Variants in PTPRD observed in about 807,000 individuals in gnomAD.
PTPRD encodes the protein protein tyrosine phosphatase receptor type D, also known as receptor-type tyrosine-protein phosphatase delta.
Under a neutral mutation model 214.5 loss-of-function variants are expected in PTPRD, and 34 were observed. That is an observed-to-expected ratio of 0.16 (90% CI 0.12 to 0.21). The LOEUF is 0.21. Among genes scored for constraint, PTPRD ranks in the 10% least tolerant of loss-of-function variants. PTPRD has a pLI of 1.00. For missense variants in PTPRD, 2,545 were observed against 2,398.7 expected (o/e 1.06, Z -1.27); for synonymous variants, 1,128 against 845.7 (o/e 1.33, Z -5.79).
At chr9:10,574,813 C>CATAT (rs143887636) in intron 2 of PTPRD, among the ~76,000 whole-genome samples, 21,347 of 136,152 alleles carry the variant, frequency 0.16, 1,660 homozygotes, top group Non-Finnish European at 0.2. Context: ...TATGTGTGTG[C>CATAT]ATATATATAT....
intron 44 of PTPRD, among the ~76,000 whole-genome samples, chr9:8,320,569 C>T (rs578197668): frequency 4.4e-4 from 67 of 152,040 alleles, no homozygotes; most frequent in African/African-American, 1.4e-3. Flanking sequence ...TGTAAGTGTA[C>T]GTACACATGA....
At chr9:10,270,168 T>A (rs1251037004) in intron 3 of PTPRD, among the ~76,000 whole-genome samples, 2 of 152,130 alleles carry the variant, frequency 1.3e-5, no homozygotes, top group African/African-American at 4.8e-5. Context: ...GAAATATAAT[T>A]ACATACATAT....
intron 7 of PTPRD, among the ~76,000 whole-genome samples, chr9:9,578,089 C>A (rs1272313121): frequency 7.0e-6 from 1 of 142,774 alleles, no homozygotes; most frequent in Non-Finnish European, 1.5e-5. Flanking sequence ...AGATATACTT[C>A]TCTCATTTGT....
intron 4 of PTPRD, among the ~76,000 whole-genome samples, chr9:9,952,921 A>T (rs1189681916): frequency 6.6e-6 from 1 of 152,168 alleles, no homozygotes; most frequent in Non-Finnish European, 1.5e-5. Flanking sequence ...CTATATAAGA[A>T]TGATATAATT....
intron 3 of PTPRD, among the ~76,000 whole-genome samples, chr9:10,151,784 A>G (rs750204212): frequency 1.3e-5 from 2 of 152,088 alleles, no homozygotes; most frequent in Non-Finnish European, 2.9e-5. Context: ...CCAGGAAACC[A>G]CTGATCTGTT....
chr9:10,031,857 T>C lies in PTPRD; in HGVS notation c.-472+1861A>G, dbSNP rs867944105. Among the ~76,000 whole-genome samples the C allele has an allele frequency of 7.9e-5, 12 of 151,896 alleles. No homozygotes were observed. In the Middle Eastern group the frequency reaches 0.01, roughly 129 times the overall value. The stretch of plus-strand genomic sequence containing the variant: ...CATATTTTTTGAAGACAAGAGATGG[T>C]GAATTGGCCCCTGGATAACAGAAAA... On this transcript the variant is annotated intron_variant, in intron 4 of 45. Coordinates refer to ENST00000381196, the MANE Select transcript of PTPRD (RefSeq NM_002839.4).
chr9:9,652,429 T>A (rs1295939674), intron 7 of PTPRD, among the ~76,000 whole-genome samples: 2 of 152,142 alleles, frequency 1.3e-5, no homozygotes, highest in Non-Finnish European at 2.9e-5. Context: ...TAGGAACTTG[T>A]AGTTGGGGAA....
At chr9:10,233,990 C>T (rs893216846) in intron 3 of PTPRD, among the ~76,000 whole-genome samples, 2 of 151,672 alleles carry the variant, frequency 1.3e-5, no homozygotes, top group Non-Finnish European at 2.9e-5. Context: ...AAGATGATCA[C>T]GCCTGTAATC....
intron 7 of PTPRD, among the ~76,000 whole-genome samples, chr9:9,638,023 G>A (rs2095826697): frequency 6.6e-6 from 1 of 152,102 alleles, no homozygotes; most frequent in Non-Finnish European, 1.5e-5. Context: ...GGCCTGTATA[G>A]GAGGGAATAC....
At chr9:10,404,544 C>G (rs2098329269) in intron 2 of PTPRD, among the ~76,000 whole-genome samples, 1 of 137,488 alleles carries the variant, frequency 7.3e-6, no homozygotes, top group Non-Finnish European at 1.6e-5. Context: ...ATAAATACAG[C>G]TCTATTTTAA....
At chr9:8,319,420 G>A (rs886454466) in intron 45 of PTPRD, among the ~76,000 whole-genome samples, 1 of 151,898 alleles carries the variant, frequency 6.6e-6, no homozygotes, top group African/African-American at 2.4e-5. Context: ...AAATATAGAA[G>A]AGCTGATACC....
At chr9:10,519,100 T>G (rs2051214787) in intron 2 of PTPRD, among the ~76,000 whole-genome samples, 1 of 151,726 alleles carries the variant, frequency 6.6e-6, no homozygotes, top group African/African-American at 2.4e-5. Flanking sequence ...GACGAGAAAC[T>G]TGAAAGGGAT....
intron 9 of PTPRD, among the ~76,000 whole-genome samples, chr9:9,390,892 A>T (rs2065606358): frequency 6.6e-6 from 1 of 152,180 alleles, no homozygotes; most frequent in Non-Finnish European, 1.5e-5. Flanking sequence ...GACCTGGCAA[A>T]TAGTAATCAC....
Position 8,317,336 on chromosome 9 carries a change from A to G in PTPRD, c.*538T>C, listed in dbSNP as rs147710537. On this transcript the variant is annotated 3_prime_UTR_variant, in exon 46 of 46. Coordinates refer to ENST00000381196, the MANE Select transcript of PTPRD (RefSeq NM_002839.4). The stretch of plus-strand genomic sequence containing the variant: ...AAAAAAGTTTACACAGTTAGAAATG[A>G]AGCACAGGTCAGCAGTATCTTTACA... 1.1e-4 allele frequency: 25 copies of G among 232,526 alleles called. No homozygotes were observed. The East Asian group carries it at 1.5e-3, about 14-fold the overall frequency. 14.4% of individuals were successfully genotyped at this position (232,526 alleles called of 1,614,324 possible). A position where few individuals can be genotyped will look rare whatever the true frequency, so the allele number is the denominator to read the frequency against.
chr9:10,593,040 G>A (rs768918290), intron 2 of PTPRD, among the ~76,000 whole-genome samples: 1 of 151,940 alleles, frequency 6.6e-6, no homozygotes, highest in Non-Finnish European at 1.5e-5. Flanking sequence ...CACCACGAAG[G>A]TCTGCGGCAT....
intron 3 of PTPRD, among the ~76,000 whole-genome samples, chr9:10,147,783 G>A (rs1413804811): frequency 6.6e-6 from 1 of 152,130 alleles, no homozygotes; most frequent in Non-Finnish European, 1.5e-5. Context: ...AAGAGGCTCA[G>A]GCAAGAGAAT....
chr9:8,340,096 T>A (rs908171257), intron 42 of PTPRD, among the ~76,000 whole-genome samples: 1 of 152,158 alleles, frequency 6.6e-6, no homozygotes, highest in Non-Finnish European at 1.5e-5. Flanking sequence ...CACCTGCTAC[T>A]CATTTGTCTC....
intron 38 of PTPRD, among the ~76,000 whole-genome samples, chr9:8,376,329 C>G (rs553116749): frequency 6.6e-6 from 1 of 152,098 alleles, no homozygotes; most frequent in East Asian, 1.9e-4. Context: ...GTTTAACTAC[C>G]AGGAGAGCTC....
chr9:9,587,412 T>C (rs2092168555), intron 7 of PTPRD, among the ~76,000 whole-genome samples: 1 of 152,064 alleles, frequency 6.6e-6, no homozygotes, highest in African/African-American at 2.4e-5. Flanking sequence ...TGAAACTACT[T>C]GCCCATGGGC....
Sources: allele counts gnomAD v4.1 joint callset (sites outside exome capture counted in the v4.1 genomes callset), GRCh38; gene constraint gnomAD v4.1.1; transcripts MANE v1.5; gene names NCBI Gene and HGNC (gene_info 2026-07-23, HGNC 2026-07-21).